Variants in UBR1 observed in about 807,000 individuals in gnomAD.
UBR1 encodes ubiquitin protein ligase E3 component n-recognin 1.
In UBR1, 102 loss-of-function variants were observed where a neutral mutation model predicts 242.1. That is an observed-to-expected ratio of 0.42 (90% CI 0.36 to 0.50). The LOEUF (loss-of-function observed/expected upper bound fraction) is 0.50. UBR1 is among the 20% of genes least tolerant of loss of function. The pLI is 0.01. For synonymous variants in UBR1, 675 were observed against 684.8 expected (o/e 0.99, Z 0.22); for missense variants, 1,772 against 2,101.8 (o/e 0.84, Z 3.07).
At chr15:42,964,257 G>T (rs1218904110) in intron 41 of UBR1, among the ~76,000 whole-genome samples, 1 of 152,070 alleles carries the variant, frequency 6.6e-6, no homozygotes, top group African/African-American at 2.4e-5. Flanking sequence ...ATCACCTGAG[G>T]TCGGGAGTTC....
chr15:43,082,270 T>G (rs190655041), intron 3 of UBR1, among the ~76,000 whole-genome samples: 4 of 152,292 alleles, frequency 2.6e-5, no homozygotes, highest in East Asian at 1.9e-4. Context: ...TGTAAGTTTT[T>G]TTTTTAGTAG....
chr15:42,951,474 G>A (rs1192149452), intron 45 of UBR1, among the ~76,000 whole-genome samples: 1 of 151,858 alleles, frequency 6.6e-6, no homozygotes, highest in Non-Finnish European at 1.5e-5. Flanking sequence ...TACCTGCCTC[G>A]GGCCTCCCAA....
At chr15:43,006,567 G>C (rs1298877008) in intron 30 of UBR1, among the ~76,000 whole-genome samples, 3 of 152,168 alleles carry the variant, frequency 2.0e-5, no homozygotes, top group African/African-American at 7.2e-5. Context: ...ACCATGTCTG[G>C]CCTATTCCAA....
Position 42,952,397 on chromosome 15 carries a change from G to A in UBR1, c.4887C>T (p.Phe1629=), listed in dbSNP as rs150744789. The A allele has an allele frequency of 4.3e-6, 7 of 1,614,122 alleles. No individual in the cohort carries two copies. The African/African-American group carries it at 9.3e-5, about 22-fold the overall frequency. The change falls in exon 45 of 47, where the codon TTC becomes TTT. Residue 1629 remains phenylalanine, a synonymous_variant. Transcript: ENST00000290650. ...DERKHPVLCL[F]CGAILCSQNI... is the part of the protein sequence containing the mutation. Reference sequence around the variant, plus strand: ...TCTGAGAACATAGTATAGCCCCACAGAAAAGGCAGAGGACAGGATGCTTTC... The same window carrying A: ...TCTGAGAACATAGTATAGCCCCACAAAAAAGGCAGAGGACAGGATGCTTTC...
chr15:43,054,876 C>T lies in UBR1; in HGVS notation c.1305G>A (p.Gln435=). Residue 435 remains glutamine (Q), a synonymous_variant, in exon 12 of 47, where the codon CAG becomes CAA. Coordinates refer to ENST00000290650, the MANE Select transcript of UBR1 (RefSeq NM_174916.3). ...PTLARHLIEE[Q]NVISVITETL... is the part of the protein sequence containing the mutation. ...TTTCAGTAATGACAGAGATAACATT[C>T]TGCTCTTCAATAAGATGTCGAGCCT... The T allele has an allele frequency of 3.7e-6, 6 of 1,614,118 alleles. No individual in the cohort carries two copies. Among genetic ancestry groups the T allele is most frequent in the Non-Finnish European group, 5.1e-6 (6 of 1,180,004 alleles).
chr15:43,096,245 C>G (rs1017783197), intron 1 of UBR1, among the ~76,000 whole-genome samples: 1 of 151,524 alleles, frequency 6.6e-6, no homozygotes. Context: ...ACGATCTGGG[C>G]TCACTGCAAT....
intron 1 of UBR1, among the ~76,000 whole-genome samples, chr15:43,087,025 A>C (rs1487643037): frequency 1.3e-5 from 2 of 152,186 alleles, no homozygotes; most frequent in Non-Finnish European, 2.9e-5. Flanking sequence ...AAAACAAACA[A>C]AAGACAAAAA....
chr15:42,954,372 G>T (rs908085305), intron 44 of UBR1, among the ~76,000 whole-genome samples: 3 of 152,126 alleles, frequency 2.0e-5, no homozygotes, highest in African/African-American at 7.2e-5. Context: ...TGACTAGAAA[G>T]GGAGCTAGAA....
intron 44 of UBR1, among the ~76,000 whole-genome samples, chr15:42,953,375 C>G (rs556726295): frequency 3.9e-5 from 6 of 152,316 alleles, no homozygotes; most frequent in African/African-American, 1.4e-4. Flanking sequence ...TAGGCCCACA[C>G]TGGGGTCGGA....
chr15:43,031,797 C>T (rs1311706385), intron 20 of UBR1, among the ~76,000 whole-genome samples: 1 of 152,108 alleles, frequency 6.6e-6, no homozygotes, highest in African/African-American at 2.4e-5. Flanking sequence ...CCAAGGCAGG[C>T]AGATCATGAG....
rs145138094 is a variant in UBR1 at position 42,956,467 on chromosome 15, G to A, written c.4835+1546C>T. Among the ~76,000 whole-genome samples the A allele has an allele frequency of 6.8e-4, 103 of 152,244 alleles. No individual in the cohort carries two copies. In the East Asian group the frequency reaches 0.019, roughly 29 times the overall value. ...CCCAAGTAGCTGGGATTACAGGTGC[G>A]CACCACCACACCTGGCTAATTTTTG... On this transcript the variant is annotated intron_variant, in intron 44 of 46. Coordinates refer to ENST00000290650, the MANE Select transcript of UBR1 (RefSeq NM_174916.3).
rs774125752 is a variant in UBR1, at chr15:43,086,174, T to C, written c.148A>G (p.Ile50Val). 3.7e-6 allele frequency: 6 copies of C among 1,614,040 alleles called. No homozygotes were observed. The highest frequency in any genetic ancestry group is 1.3e-5 in the African/African-American group (1 of 75,018). ...TCTGGGTCCATTTCAGCAAAGTAAA[T>C]TTCTGGCACCAATTGTGCCAAATGA... is the stretch of plus-strand genomic sequence containing the variant. ...LHHLAQLVPE[I>V]YFAEMDPDLE... Residue 50 changes from isoleucine (I) to valine (V), a missense_variant, in exon 2 of 47, where the codon ATT (isoleucine) becomes GTT (valine). Around this residue, in one of 3 missense-constraint regions of UBR1, gnomAD observed 734 missense variants for 893.3 expected, o/e 0.82. Transcript: ENST00000290650.
chr15:43,056,415 T>C lies in UBR1; in HGVS notation c.1210A>G (p.Ile404Val). 1.2e-6 allele frequency: 2 copies of C among 1,611,796 alleles called. No individual in the cohort carries two copies. The highest frequency in any genetic ancestry group is 1.7e-6 in the Non-Finnish European group (2 of 1,178,020). The change falls in exon 11 of 47, where the codon ATC becomes GTC. Residue 404 changes from isoleucine to valine, a missense_variant. Physicochemically the swap from Ile to Val is conservative, Grantham distance 29 (BLOSUM62 3). Around this residue, in one of 3 missense-constraint regions of UBR1, gnomAD observed 734 missense variants for 893.3 expected, o/e 0.82. Transcript: ENST00000290650. ...KYYKQLQKEYISDDHDRSISI... is the reference protein window; with the variant it reads ...KYYKQLQKEYVSDDHDRSISI... ...ATACTTCTGTCATGATCATCACTGA[T>C]ATATTCTTTCTGCAGTTGTTTATAA...
intron 1 of UBR1, among the ~76,000 whole-genome samples, chr15:43,086,668 C>T (rs1005486325): frequency 6.6e-6 from 1 of 152,016 alleles, no homozygotes; most frequent in Non-Finnish European, 1.5e-5. Flanking sequence ...AGGAAAAAAA[C>T]TAGATAAAAT....
Position 43,066,329 on chromosome 15 carries a change from T to C in UBR1, c.798+1569A>G, listed in dbSNP as rs2033751833. ...CTATTATGTTCCATTGGTCTATGTG[T>C]CTGCTTTTGTACCAGTACCATGCTG... On this transcript the variant is annotated intron_variant, in intron 6 of 46. Transcript: ENST00000290650. Among the ~76,000 whole-genome samples, 4 of 152,212 alleles carry C rather than the reference T, an allele frequency of 2.6e-5. No homozygotes were observed. The South Asian group carries it at 8.3e-4, about 31-fold the overall frequency.
chr15:43,029,955 A>C lies in UBR1; in HGVS notation c.2368T>G (p.Leu790Val), dbSNP rs2033233054. ...PMPHSAIAKN[L>V]PENENNETGL... ...AAAATCAGACTTACATTCTCAGGTA[A>C]ATTTTTGGCAATGGCACTGTGTGGC... Residue 790 changes from leucine (L) to valine (V), a missense_variant, in exon 21 of 47, where the codon TTA becomes GTA. By Grantham distance (32) the Leu-to-Val change is conservative (BLOSUM62 1). Around this residue, in one of 3 missense-constraint regions of UBR1, gnomAD observed 73 missense variants for 128.9 expected, o/e 0.57. Coordinates refer to ENST00000290650, the MANE Select transcript of UBR1 (RefSeq NM_174916.3). 1 of 1,614,090 alleles carries C rather than the reference A, an allele frequency of 6.2e-7. No homozygotes were observed. The highest frequency in any genetic ancestry group is 8.5e-7 in the Non-Finnish European group (1 of 1,179,982).
intron 1 of UBR1, among the ~76,000 whole-genome samples, chr15:43,097,399 C>T (rs1444823307): frequency 6.6e-6 from 1 of 152,176 alleles, no homozygotes; most frequent in Non-Finnish European, 1.5e-5. Flanking sequence ...TGGAAATTGG[C>T]TTCAACTTAA....
chr15:42,994,403 A>G (rs980131462), intron 33 of UBR1, among the ~76,000 whole-genome samples: 6 of 150,192 alleles, frequency 4.0e-5, no homozygotes, highest in South Asian at 4.2e-4. Flanking sequence ...AAAAAAAAAA[A>G]AAAATCCGTG....
intron 30 of UBR1, 127 bp from the exon 31 acceptor site, chr15:43,004,057 CAA>C (rs896928733): frequency 2.5e-6 from 2 of 803,496 alleles, no homozygotes; most frequent in African/African-American, 1.7e-5. Context: ...TATATAGTAA[CAA>C]AAAGAGAAAA....
Sources: gnomAD v4.1 joint callset for allele counts (sites outside exome capture counted in the v4.1 genomes callset) on GRCh38, gnomAD v4.1.1 for gene constraint, gnomAD v4.1.1 regional missense constraint, MANE v1.5 for transcripts, NCBI Gene and HGNC (gene_info 2026-07-23, HGNC 2026-07-21) for gene names.